The following KIF14 variants were observed in gnomAD, a reference collection of about 807,000 sequenced individuals.
KIF14 encodes the protein kinesin family member 14.
KIF14 carries 98 observed loss-of-function variants against 176.2 expected under a neutral mutation model. That is an observed-to-expected ratio of 0.56 (90% CI 0.47 to 0.66). KIF14 has a LOEUF of 0.66. Ranked by LOEUF, KIF14 falls within the 30% of genes least tolerant of loss-of-function variation. The pLI is 0.00. For missense variants in KIF14, 1,751 were observed against 1,920.4 expected, an observed-to-expected ratio of 0.91 and a Z score of 1.65; for synonymous variants, 566 against 632.2, an observed-to-expected ratio of 0.90 and a Z score of 1.57.
At chr1:200,596,550 T>C (rs1659347015) in intron 14 of KIF14, among the ~76,000 whole-genome samples, 1 of 145,176 alleles carries the variant, frequency 6.9e-6, no homozygotes, top group African/African-American at 2.5e-5. Context: ...ATGACCTCAA[T>C]GTACAACAGT....
chr1:200,594,472 T>G (rs1659230295), intron 14 of KIF14, among the ~76,000 whole-genome samples: 1 of 151,934 alleles, frequency 6.6e-6, no homozygotes, highest in African/African-American at 2.4e-5. Flanking sequence ...TTTTCTAAGC[T>G]TCTGGTTTTA....
At chr1:200,584,579 C>T (rs1658636333) in intron 19 of KIF14, among the ~76,000 whole-genome samples, 1 of 152,124 alleles carries the variant, frequency 6.6e-6, no homozygotes, top group South Asian at 2.1e-4. Flanking sequence ...TGTGATATAC[C>T]ACATTAACAG....
Position 200,589,332 on chromosome 1 carries a change from T to C in KIF14, c.2999A>G (p.Asn1000Ser), listed in dbSNP as rs1380865329. Residue 1000 changes from asparagine (N) to serine (S), a missense_variant, in exon 18 of 30, where the codon AAT becomes AGT. Asn to Ser is a conservative substitution (Grantham distance 46). Transcript: ENST00000367350. Reference sequence around the variant, plus strand: ...AATTTTGTGATTAGCCTTCTGGTTATTTATTTCCTGCATTTTTTTCCTTTG... The same window carrying C: ...AATTTTGTGATTAGCCTTCTGGTTACTTATTTCCTGCATTTTTTTCCTTTG... ...ESQRKKMQEI[N>S]NQKANHKIEE... 5.6e-6 allele frequency: 9 copies of C among 1,610,258 alleles called. No individual in the cohort carries two copies. The Admixed American group carries it at 1.0e-4, about 18-fold the overall frequency.
Position 200,605,279 on chromosome 1 carries a change from A to T in KIF14, c.1746+4T>A. ...AAGAGATCGGGAACTTTTAAAAAAAATACCTTGGTCTGGGTCATCACCAGG... is the reference window on the plus strand; with the variant it reads ...AAGAGATCGGGAACTTTTAAAAAAATTACCTTGGTCTGGGTCATCACCAGG... On this transcript the variant is annotated splice_donor_region_variant and intron_variant, in intron 8 of 29. Coordinates refer to ENST00000367350, the MANE Select transcript of KIF14 (RefSeq NM_014875.3). The T allele has an allele frequency of 1.2e-6, 2 of 1,607,170 alleles. No individual in the cohort carries two copies. The highest frequency in any genetic ancestry group is 8.5e-7 in the Non-Finnish European group (1 of 1,175,046).
intron 17 of KIF14, among the ~76,000 whole-genome samples, chr1:200,589,702 CAG>C (rs1252484980): frequency 8.6e-5 from 8 of 93,466 alleles, no homozygotes; most frequent in African/African-American, 1.3e-4. Context: ...TTTTTTGAGA[CAG>C]AGTCTCACTC....
chr1:200,593,739 A>G lies in KIF14; in HGVS notation c.2580T>C (p.Ser860=). 1 of 1,612,306 alleles carries G rather than the reference A, an allele frequency of 6.2e-7. No individual in the cohort carries two copies. Among genetic ancestry groups the G allele is most frequent in the Non-Finnish European group, 8.5e-7 (1 of 1,178,710 alleles). Residue 860 remains serine, a synonymous_variant, in exon 15 of 30, where the codon AGT becomes AGC. Transcript: ENST00000367350. The stretch of plus-strand genomic sequence containing the variant: ...TCTTTGCTTCCCCAACTGGGATAAT[A>G]CTCACTGTCCCACCAAAATTTTTGA... The part of the protein sequence containing the change: ...CTIKNFGGTV[S]IIPVGEAKTY...
At chr1:200,601,257 G>A (rs1036445885) in intron 11 of KIF14, among the ~76,000 whole-genome samples, 1 of 152,140 alleles carries the variant, frequency 6.6e-6, no homozygotes, top group Non-Finnish European at 1.5e-5. Context: ...GATGGACCAG[G>A]ATAGACAAAT....
chr1:200,561,688 G>A (rs1289538179), intron 25 of KIF14, among the ~76,000 whole-genome samples: 1 of 152,060 alleles, frequency 6.6e-6, no homozygotes, highest in Non-Finnish European at 1.5e-5. Context: ...TGCTAAAGGT[G>A]ATAAAATGAG....
At chr1:200,571,766 TCTA>T (rs1657801817) in intron 22 of KIF14, among the ~76,000 whole-genome samples, 2 of 152,180 alleles carry the variant, frequency 1.3e-5, no homozygotes, top group South Asian at 4.1e-4. Flanking sequence ...TTACAGTTCT[TCTA>T]CTTAGGGGTG....
chr1:200,576,033 C>G (rs1658082460), intron 21 of KIF14, among the ~76,000 whole-genome samples: 1 of 152,082 alleles, frequency 6.6e-6, no homozygotes, highest in Non-Finnish European at 1.5e-5. Flanking sequence ...TAGTCACTTC[C>G]TGGTCGAATA....
chr1:200,588,112 G>C (rs375498143), intron 18 of KIF14, among the ~76,000 whole-genome samples: 10 of 152,198 alleles, frequency 6.6e-5, no homozygotes, highest in East Asian at 5.8e-4. Flanking sequence ...TCAAAACAGT[G>C]GCTTGCAAAC....
chr1:200,582,763 T>C (rs1200523536), intron 19 of KIF14, among the ~76,000 whole-genome samples: 1 of 151,880 alleles, frequency 6.6e-6, no homozygotes, highest in Non-Finnish European at 1.5e-5. Context: ...GGCAGGAGAA[T>C]TGCTTGAAAG....
intron 7 of KIF14, 129 bp from the exon 8 acceptor site, chr1:200,605,519 A>C (rs1659837319): frequency 5.2e-6 from 3 of 575,832 alleles, no homozygotes; most frequent in Non-Finnish European, 8.9e-6. Context: ...ATAAAAATTA[A>C]GAGAGATAAC....
chr1:200,578,224 T>C (rs981610583), intron 21 of KIF14, among the ~76,000 whole-genome samples: 1 of 152,200 alleles, frequency 6.6e-6, no homozygotes, highest in African/African-American at 2.4e-5. Flanking sequence ...TAATTCATTA[T>C]TGCTTTTATC....
chr1:200,600,569 T>C, intron 11 of KIF14, 66 bp from the exon 12 acceptor site: 1 of 1,106,500 alleles, frequency 9.0e-7, no homozygotes. Context: ...ACAGTAAGCA[T>C]AATCCTCCAA....
Position 200,596,561 on chromosome 1 carries a change from CTTTTT to C in KIF14, c.2549+1671_2549+1675del, listed in dbSNP as rs60386347. ...CTCTATGACCTCAATGTACAACAGT[CTTTTT>C]TTTTTTTTTTTTTTTTGAGTTAGAG... is the stretch of plus-strand genomic sequence containing the variant. On this transcript the variant is annotated intron_variant, in intron 14 of 29. Coordinates refer to ENST00000367350, the MANE Select transcript of KIF14 (RefSeq NM_014875.3). Among the ~76,000 whole-genome samples, 55 of 102,704 alleles carry C rather than the reference CTTTTT, an allele frequency of 5.4e-4. No individual in the cohort carries two copies. The East Asian group carries it at 0.015, about 28-fold the overall frequency. 67.4% of individuals were successfully genotyped at this position (102,704 alleles called of 152,430 possible).
intron 25 of KIF14, among the ~76,000 whole-genome samples, chr1:200,561,229 T>TAAAAAAAAAA (rs10643609): frequency 7.8e-6 from 1 of 128,072 alleles, no homozygotes. Context: ...GACTCCATCT[T>TAAAAAAAAAA]AAAAAAAAAA....
At chr1:200,589,396 C>T (rs1470197458) in intron 17 of KIF14, 27 bp from the exon 18 acceptor site, 6 of 1,567,160 alleles carry the variant, frequency 3.8e-6, no homozygotes, top group East Asian at 4.5e-5. Flanking sequence ...TAAAAAATAT[C>T]TCAGGCAAAA....
At chr1:200,565,354 G>T in intron 24 of KIF14, 91 bp downstream of exon 24, 1 of 1,389,404 alleles carries the variant, frequency 7.2e-7, no homozygotes, top group South Asian at 1.4e-5. Context: ...AAAGATGCAT[G>T]CCAGATGTGC....
Sources: allele counts gnomAD v4.1 joint callset (sites outside exome capture counted in the v4.1 genomes callset), GRCh38; gene constraint gnomAD v4.1.1; transcripts MANE v1.5; gene names NCBI Gene and HGNC (gene_info 2026-07-23, HGNC 2026-07-21).